MIER1: variants seen among roughly 807,000 people sequenced by gnomAD.
MIER1 encodes the protein mesoderm induction early response protein 1.
MIER1 carries 40 observed loss-of-function variants against 75.7 expected under a neutral mutation model. The ratio of observed to expected loss-of-function variants is 0.53; its 90% CI spans 0.41 to 0.69. MIER1 has a LOEUF of 0.69. Among genes scored for constraint, MIER1 ranks in the 30% least tolerant of loss-of-function variants. MIER1 has a pLI of 0.00. For synonymous variants in MIER1, 213 were observed against 223.4 expected (o/e 0.95, Z 0.42); for missense variants, 574 against 680.2 (o/e 0.84, Z 1.74).
At chr1:66,971,795 C>G (rs1351061651) in intron 10 of MIER1, 59 bp downstream of exon 10, 2 of 889,984 alleles carry the variant, frequency 2.2e-6, no homozygotes, top group Non-Finnish European at 1.8e-6. Context: ...TTAAGCTTTT[C>G]AGTTTACCTA....
chr1:66,986,341 G>C lies in MIER1; in HGVS notation c.*1441G>C. 1 of 1,576,548 alleles carries C rather than the reference G, an allele frequency of 6.3e-7. No individual in the cohort carries two copies. ...TTAAATAATGTAGTTTTATATAGCT[G>C]ATAGACCAACCTATATCCAAACTTT... On this transcript the variant is annotated 3_prime_UTR_variant, in exon 14 of 14. Coordinates refer to ENST00000401041, the MANE Select transcript of MIER1 (RefSeq NM_001077700.3).
Position 66,985,149 on chromosome 1 carries a change from C to T in MIER1, c.*249C>T, listed in dbSNP as rs539841441. ...TGAACTAAAGATATATCTCTACCTT[C>T]TCATTTGAATATCTTTAGTTCATTC... On this transcript the variant is annotated 3_prime_UTR_variant, in exon 14 of 14. Transcript: ENST00000401041. The T allele has an allele frequency of 1.9e-3, 2,015 of 1,061,978 alleles. 5 individuals are homozygous for T. Among genetic ancestry groups the T allele is most frequent in the Non-Finnish European group, 2.2e-3 (1,889 of 866,006 alleles). 65.8% of individuals were successfully genotyped at this position (1,061,978 alleles called of 1,614,324 possible).
At chr1:66,976,791 T>A in intron 12 of MIER1, 69 bp downstream of exon 12, 1 of 1,291,374 alleles carries the variant, frequency 7.7e-7, no homozygotes, top group Non-Finnish European at 1.0e-6. Context: ...TTTCTTGAGT[T>A]AATTATTATT....
chr1:66,945,446 T>C (rs1657397479), intron 3 of MIER1, among the ~76,000 whole-genome samples: 2 of 152,062 alleles, frequency 1.3e-5, no homozygotes, highest in Non-Finnish European at 2.9e-5. Flanking sequence ...CTCTGAATGT[T>C]TTCAATCTGC....
In MIER1 at chr1:66,984,788, C is replaced by G; in HGVS notation, c.1586C>G (p.Ala529Gly). 6.2e-7 allele frequency: 1 copy of G among 1,613,968 alleles called. No homozygotes were observed. The highest frequency in any genetic ancestry group is 1.3e-5 in the African/African-American group (1 of 75,020). The change falls in exon 14 of 14, where the codon GCC (alanine) becomes GGC (glycine). Residue 529 changes from alanine (A) to glycine (G), a missense_variant. By Grantham distance (60) the Ala-to-Gly change is moderately conservative. Coordinates refer to ENST00000401041, the MANE Select transcript of MIER1 (RefSeq NM_001077700.3). ...TTTGATGAAAAAAGTGAGAGACCTG[C>G]CAAAAGGCGAAGGGTAAACAGCAAT... is the stretch of plus-strand genomic sequence containing the variant. ...NDFDEKSERP[A>G]KRRRVNSNGK... is the part of the protein sequence containing the mutation.
intron 3 of MIER1, among the ~76,000 whole-genome samples, chr1:66,944,702 A>G (rs1657073197): frequency 6.6e-6 from 1 of 151,864 alleles, no homozygotes; most frequent in Non-Finnish European, 1.5e-5. Flanking sequence ...AAGGACAGCT[A>G]CTCAAATATT....
chr1:66,958,562 T>C (rs1291177360), intron 5 of MIER1, among the ~76,000 whole-genome samples: 1 of 152,096 alleles, frequency 6.6e-6, no homozygotes, highest in Non-Finnish European at 1.5e-5. Context: ...ATTTTAGATT[T>C]ATAAAAGGTT....
intron 1 of MIER1, chr1:66,925,559 G>A: frequency 2.0e-6 from 2 of 985,362 alleles, no homozygotes; most frequent in Non-Finnish European, 2.4e-6. Flanking sequence ...GGGCCAACTT[G>A]CCCTTTTCGG....
intron 2 of MIER1, among the ~76,000 whole-genome samples, chr1:66,935,611 A>G (rs1391514786): frequency 6.6e-6 from 1 of 152,212 alleles, no homozygotes; most frequent in Non-Finnish European, 1.5e-5. Flanking sequence ...TGCATAGTAC[A>G]TGAAAGTGGT....
intron 8 of MIER1, among the ~76,000 whole-genome samples, chr1:66,970,587 T>TG (rs971491873): frequency 4.6e-5 from 7 of 152,168 alleles, no homozygotes; most frequent in Admixed American, 3.9e-4. Context: ...AAAGTCAGAC[T>TG]GGATCTGCAG....
chr1:66,945,277 A>G (rs1212928755), intron 3 of MIER1, among the ~76,000 whole-genome samples: 15 of 3,010 alleles, frequency 5.0e-3, no homozygotes, highest in South Asian at 0.032. Context: ...GTATATATAT[A>G]TATATATATA....
intron 4 of MIER1, among the ~76,000 whole-genome samples, chr1:66,953,998 A>G (rs1308776073): frequency 2.6e-5 from 4 of 152,222 alleles, no homozygotes; most frequent in Non-Finnish European, 5.9e-5. Context: ...ATAAACTATT[A>G]GAAGGTATAT....
At chr1:66,969,790 T>TC (rs1663237777) in intron 8 of MIER1, among the ~76,000 whole-genome samples, 1 of 152,092 alleles carries the variant, frequency 6.6e-6, no homozygotes, top group African/African-American at 2.4e-5. Flanking sequence ...TACTCCCCTA[T>TC]CTCCACCATC....
chr1:66,932,528 C>T (rs1653690109), intron 2 of MIER1: 4 of 152,250 alleles, frequency 2.6e-5, no homozygotes, highest in East Asian at 1.9e-4. Context: ...GGCCTCAATA[C>T]TTGAATAATT....
rs564245420 is a variant in MIER1 at position 66,958,204 on chromosome 1, G to A, written c.485G>A (p.Cys162Tyr). The change falls in exon 5 of 14, where the codon TGT (cysteine) becomes TAT (tyrosine). Residue 162 changes from cysteine to tyrosine, a missense_variant. This residue lies in a region of MIER1 where 309 missense variants were observed against 352.8 expected (regional missense o/e 0.88). Transcript: ENST00000401041. ...EDADNDDNSG[C>Y]SGENKEENIK... ...GCTGATAATGATGACAACAGTGGCT[G>A]TAGTGGGGAAAATAAAGTAAGTCTA... 10 of 1,602,046 alleles carry A rather than the reference G, an allele frequency of 6.2e-6. No homozygotes were observed. In the Admixed American group the frequency reaches 1.5e-4, roughly 24 times the overall value.
At chr1:66,939,085 C>T (rs1655585273) in intron 2 of MIER1, among the ~76,000 whole-genome samples, 1 of 152,078 alleles carries the variant, frequency 6.6e-6, no homozygotes. Flanking sequence ...TTTGCTAGTG[C>T]TTTTGGCCTC....
chr1:66,930,180 C>CTCCAG lies in MIER1; in HGVS notation c.168+3944_168+3948dup, dbSNP rs907052063. 2.3e-5 allele frequency: 30 copies of CTCCAG among 1,330,046 alleles called. No individual in the cohort carries two copies. The South Asian group carries it at 3.5e-4, about 16-fold the overall frequency. The allele number at this position is 1,330,046 out of a possible 1,614,324, so 82.4% of individuals were successfully genotyped here. On this transcript the variant is annotated intron_variant, in intron 2 of 13. Coordinates refer to ENST00000401041, the MANE Select transcript of MIER1 (RefSeq NM_001077700.3). Reference sequence around the variant, plus strand: ...CGGCGCGTGCTCGCTGGTCTTTTCCCTCCAGTCCAGCCCAGCCGGGGCGCC... The same window carrying CTCCAG: ...CGGCGCGTGCTCGCTGGTCTTTTCCCTCCAGTCCAGTCCAGCCCAGCCGGGGCGCC...
At chr1:66,937,155 T>C (rs3008865) in intron 2 of MIER1, among the ~76,000 whole-genome samples, 120,944 of 152,028 alleles carry the variant, frequency 0.8, 48,599 homozygotes, top group African/African-American at 0.88. Flanking sequence ...ACTTCAGGCC[T>C]GCCTTCACCA....
chr1:66,975,987 T>TG lies in MIER1; in HGVS notation c.1102-608_1102-607insG, dbSNP rs560728959. Among the ~76,000 whole-genome samples the TG allele has an allele frequency of 3.9e-3, 556 of 143,634 alleles. 5 individuals are homozygous for TG. Among genetic ancestry groups the TG allele is most frequent in the African/African-American group, 0.013 (519 of 40,128 alleles). 94.2% of individuals were successfully genotyped at this position (143,634 alleles called of 152,430 possible). A position where few individuals can be genotyped will look rare whatever the true frequency, so the allele number is the denominator to read the frequency against. On this transcript the variant is annotated intron_variant, in intron 11 of 13. Transcript: ENST00000401041. ...ACATGAATGCCACTTCCAGGCCTTTTTTTTGTGTGTGTGTGTGTGAGACTG... is the reference window on the plus strand; with the variant it reads ...ACATGAATGCCACTTCCAGGCCTTTTGTTTTGTGTGTGTGTGTGTGAGACTG...
Sources: gnomAD v4.1 joint callset for allele counts (sites outside exome capture counted in the v4.1 genomes callset) on GRCh38, gnomAD v4.1.1 for gene constraint, gnomAD v4.1.1 regional missense constraint, MANE v1.5 for transcripts, NCBI Gene and HGNC (gene_info 2026-07-23, HGNC 2026-07-21) for gene names.